Variants in PTH2R observed in about 807,000 individuals in gnomAD.
The protein encoded by PTH2R is parathyroid hormone 2 receptor.
PTH2R carries 59 observed loss-of-function variants against 60.3 expected under a neutral mutation model. The observed-to-expected ratio is 0.98, with a 90% CI of 0.79 to 1.22. PTH2R has a LOEUF of 1.22. Ranked by LOEUF, PTH2R falls within the 50% of genes most tolerant of loss-of-function variation. The pLI is 0.00. For synonymous variants in PTH2R, 256 were observed against 243.8 expected (o/e 1.05, Z -0.47); for missense variants, 749 against 682.6 (o/e 1.10, Z -1.08).
intron 9 of PTH2R, among the ~76,000 whole-genome samples, chr2:208,468,474 C>T (rs1487137698): frequency 1.3e-5 from 2 of 152,192 alleles, no homozygotes; most frequent in Non-Finnish European, 2.9e-5. Context: ...TAAAATCTAA[C>T]ATCTCTGATA....
intron 7 of PTH2R, among the ~76,000 whole-genome samples, chr2:208,450,243 C>A (rs952331268): frequency 6.6e-6 from 1 of 152,200 alleles, no homozygotes; most frequent in African/African-American, 2.4e-5. Context: ...CCAACGTGAA[C>A]TAAAAGAAGA....
chr2:208,491,599 G>A (rs934913757), intron 12 of PTH2R, among the ~76,000 whole-genome samples: 1 of 152,088 alleles, frequency 6.6e-6, no homozygotes, highest in African/African-American at 2.4e-5. Flanking sequence ...TCTTTGTCTT[G>A]CTTATCTGGG....
intron 1 of PTH2R, among the ~76,000 whole-genome samples, chr2:208,398,894 A>T (rs952360504): frequency 5.3e-5 from 8 of 152,206 alleles, no homozygotes; most frequent in African/African-American, 1.9e-4. Flanking sequence ...ACCAGGCACA[A>T]ATAAAACAGT....
chr2:208,440,890 G>A (rs574420959), intron 4 of PTH2R, among the ~76,000 whole-genome samples: 5 of 152,304 alleles, frequency 3.3e-5, no homozygotes, highest in African/African-American at 1.2e-4. Context: ...GATGTGCACA[G>A]GGCTCTCACA....
chr2:208,459,924 A>G lies in PTH2R; in HGVS notation c.944A>G (p.Lys315Arg), dbSNP rs768530624. Reference sequence around the variant, plus strand: ...TGGGAACTTAGTGCTGGAGACATCAAGTGGATTTATCAAGCACCGATCTTA... The same window carrying G: ...TGGGAACTTAGTGCTGGAGACATCAGGTGGATTTATCAAGCACCGATCTTA... ...RCWELSAGDI[K>R]WIYQAPILAA... Residue 315 changes from lysine (K) to arginine (R), a missense_variant, in exon 9 of 13, where the codon AAG becomes AGG. Transcript: ENST00000272847. 13 of 1,613,098 alleles carry G rather than the reference A, an allele frequency of 8.1e-6. No individual in the cohort carries two copies. The South Asian group carries it at 1.4e-4, about 18-fold the overall frequency.
At chr2:208,417,541 CTTTTTTTTT>C (rs56354728) in intron 1 of PTH2R, among the ~76,000 whole-genome samples, 3 of 87,882 alleles carry the variant, frequency 3.4e-5, no homozygotes, top group Non-Finnish European at 7.1e-5. Flanking sequence ...AGGTGGGAAT[CTTTTTTTTT>C]TTTTTTTTTT....
intron 9 of PTH2R, among the ~76,000 whole-genome samples, chr2:208,477,179 A>G (rs191123245): frequency 1.3e-5 from 2 of 152,326 alleles, no homozygotes; most frequent in East Asian, 3.9e-4. Context: ...AGGAGAGAGT[A>G]GAGGAGAAGA....
intron 1 of PTH2R, among the ~76,000 whole-genome samples, chr2:208,371,888 T>C (rs1489693215): frequency 6.6e-6 from 1 of 152,084 alleles, no homozygotes; most frequent in African/African-American, 2.4e-5. Context: ...ACCACTAATG[T>C]TGAAGAAATG....
At chr2:208,418,689 T>TG (rs1303172384) in intron 1 of PTH2R, among the ~76,000 whole-genome samples, 4 of 152,170 alleles carry the variant, frequency 2.6e-5, no homozygotes, top group Non-Finnish European at 4.4e-5. Flanking sequence ...CATAGTTTTC[T>TG]GGTTTATCTT....
chr2:208,427,200 C>T (rs775942757), intron 1 of PTH2R, among the ~76,000 whole-genome samples: 9 of 151,740 alleles, frequency 5.9e-5, no homozygotes, highest in East Asian at 3.9e-4. Context: ...AAGGAAGTAA[C>T]GGTTTAACTG....
intron 9 of PTH2R, among the ~76,000 whole-genome samples, chr2:208,480,785 T>C (rs1233552044): frequency 6.6e-6 from 1 of 152,224 alleles, no homozygotes; most frequent in African/African-American, 2.4e-5. Flanking sequence ...CCTGCCACTT[T>C]GCCAAAGGGC....
At chr2:208,365,094 T>A (rs1254029874) in intron 1 of PTH2R, among the ~76,000 whole-genome samples, 10 of 151,888 alleles carry the variant, frequency 6.6e-5, no homozygotes, top group African/African-American at 1.9e-4. Context: ...TTTCTGCATA[T>A]AAGATCATGC....
intron 1 of PTH2R, among the ~76,000 whole-genome samples, chr2:208,393,993 C>T (rs190061093): frequency 5.4e-4 from 82 of 152,290 alleles, no homozygotes; most frequent in African/African-American, 1.9e-3. Context: ...CCTGCTTTAG[C>T]TCTGGGGAAC....
chr2:208,475,411 A>G (rs1702978669), intron 9 of PTH2R, among the ~76,000 whole-genome samples: 1 of 152,218 alleles, frequency 6.6e-6, no homozygotes, highest in African/African-American at 2.4e-5. Flanking sequence ...CTTAACTGGC[A>G]TTAAAAAAAC....
intron 1 of PTH2R, among the ~76,000 whole-genome samples, chr2:208,392,210 G>A (rs557270108): frequency 6.6e-6 from 1 of 152,266 alleles, no homozygotes; most frequent in East Asian, 1.9e-4. Context: ...TGGATGGATT[G>A]GAACTACAGC....
Position 208,406,931 on chromosome 2 carries a change from C to G in PTH2R, c.-113C>G. On this transcript the variant is annotated 5_prime_UTR_variant, in exon 1 of 13. Transcript: ENST00000272847. Reference sequence around the variant, plus strand: ...GGTGGCCCGGGCCCGACCACCCCAGCTGCGCGTCGTTACTGGCCACAAGTT... The same window carrying G: ...GGTGGCCCGGGCCCGACCACCCCAGGTGCGCGTCGTTACTGGCCACAAGTT... The G allele has an allele frequency of 1.1e-6, 1 of 883,872 alleles. No individual in the cohort carries two copies. Among genetic ancestry groups the G allele is most frequent in the East Asian group, 3.0e-5 (1 of 33,656 alleles). 54.8% of individuals were successfully genotyped at this position (883,872 alleles called of 1,614,324 possible).
chr2:208,425,075 A>G (rs1444080710), intron 1 of PTH2R, among the ~76,000 whole-genome samples: 1 of 152,192 alleles, frequency 6.6e-6, no homozygotes, highest in Non-Finnish European at 1.5e-5. Flanking sequence ...AACTCTAATG[A>G]AAAAACTAAT....
At chr2:208,375,683 G>T (rs910954123) in intron 1 of PTH2R, among the ~76,000 whole-genome samples, 3 of 152,130 alleles carry the variant, frequency 2.0e-5, no homozygotes, top group African/African-American at 7.3e-5. Flanking sequence ...GTGATGTGAT[G>T]TGATGTGAAC....
intron 9 of PTH2R, among the ~76,000 whole-genome samples, chr2:208,460,527 C>T (rs1490289419): frequency 1.3e-5 from 2 of 152,098 alleles, no homozygotes; most frequent in Admixed American, 6.6e-5. Context: ...ATTACTTTTT[C>T]ACTAACCTAA....
Sources: gnomAD v4.1 joint callset for allele counts (sites outside exome capture counted in the v4.1 genomes callset) on GRCh38, gnomAD v4.1.1 for gene constraint, MANE v1.5 for transcripts, NCBI Gene and HGNC (gene_info 2026-07-23, HGNC 2026-07-21) for gene names.